The following ZNF487 variants were observed in gnomAD, a reference collection of about 807,000 sequenced individuals.
ZNF487 encodes the protein KRAB domain only 1.
A neutral mutation model predicts 3.0 loss-of-function variants in ZNF487; 4 were observed. The observed-to-expected ratio is 1.35, with a 90% CI of 0.66 to 3.08. The LOEUF is 3.08. Ranked by LOEUF, ZNF487 falls within the 30% of genes most tolerant of loss-of-function variation. The pLI is 0.01. For synonymous variants in ZNF487, 55 were observed against 34.6 expected, an observed-to-expected ratio of 1.59 and a Z score of -2.06; for missense variants, 146 against 98.7, an observed-to-expected ratio of 1.48 and a Z score of -2.03.
the ZNF487 span, among the ~76,000 whole-genome samples, chr10:43,501,560 C>T: frequency 2.0e-5 from 3 of 152,006 alleles, no homozygotes; most frequent in Admixed American, 6.6e-5. Context: ...GTCAACATGG[C>T]GAAACCCCAT....
chr10:43,454,937 C>A (rs943505275), intron 1 of ZNF487, among the ~76,000 whole-genome samples: 1,194 of 84,936 alleles, frequency 0.014, no homozygotes, highest in South Asian at 0.019. Flanking sequence ...GACCTTGTCT[C>A]AAAAAAAAAA....
chr10:43,466,049 G>A (rs540867527), intron 1 of ZNF487, among the ~76,000 whole-genome samples: 4 of 152,192 alleles, frequency 2.6e-5, no homozygotes, highest in African/African-American at 9.6e-5. Flanking sequence ...CCAGTCAGGC[G>A]TGGCGGTGCG....
At chr10:43,462,467 T>TC (rs1200641752) in intron 1 of ZNF487, among the ~76,000 whole-genome samples, 1 of 150,958 alleles carries the variant, frequency 6.6e-6, no homozygotes, top group Non-Finnish European at 1.5e-5. Context: ...ATTTTTTTTT[T>TC]TTTTTTTGAG....
intron 1 of ZNF487, among the ~76,000 whole-genome samples, chr10:43,461,894 G>A (rs781009456): frequency 3.2e-4 from 49 of 152,228 alleles, no homozygotes; most frequent in Middle Eastern, 6.8e-3. Flanking sequence ...CCCCAGGTGG[G>A]TGGCAGGTGT....
chr10:43,502,806 G>A, the ZNF487 span, among the ~76,000 whole-genome samples: 10 of 152,232 alleles, frequency 6.6e-5, no homozygotes, highest in Middle Eastern at 3.4e-3. Flanking sequence ...CAAGCCGGGT[G>A]AATCACTTGA....
chr10:43,452,780 C>A (rs1459680603), intron 1 of ZNF487: 1 of 151,892 alleles, frequency 6.6e-6, no homozygotes, highest in Non-Finnish European at 1.5e-5. Flanking sequence ...TTTTGAAAAA[C>A]CAGGTTTTGG....
chr10:43,447,924 A>G (rs1048845205), intron 1 of ZNF487, among the ~76,000 whole-genome samples: 1 of 146,418 alleles, frequency 6.8e-6, no homozygotes, highest in Non-Finnish European at 1.5e-5. Flanking sequence ...GACTCATCTC[A>G]TTTGTTTCCT....
chr10:43,523,600 A>T, the ZNF487 span: 1 of 152,358 alleles, frequency 6.6e-6, no homozygotes, highest in African/African-American at 2.4e-5. Flanking sequence ...TGTTAGAATG[A>T]GGACTTATTT....
At chr10:43,468,066 C>G (rs1459296584) in intron 1 of ZNF487, among the ~76,000 whole-genome samples, 1 of 152,166 alleles carries the variant, frequency 6.6e-6, no homozygotes, top group Non-Finnish European at 1.5e-5. Context: ...GAGGAAGTCA[C>G]TGCAGATGTG....
Position 43,481,786 on chromosome 10 carries a change from A to C in ZNF487, c.488A>C (p.Gln163Pro). ...EYDGNGKAVS[Q>P]NEDLFRHQYI... is the part of the protein sequence containing the mutation. ...GATGGAAATGGGAAAGCCGTCTCTC[A>C]GAATGAGGACTTATTTAGGCATCAG... Residue 163 changes from glutamine (Q) to proline (P), a missense_variant, in exon 4 of 4, where the codon CAG becomes CCG. Physicochemically the swap from Gln to Pro is moderately conservative, Grantham distance 76. Transcript: ENST00000437590. 1.4e-6 allele frequency: 1 copy of C among 710,652 alleles called. No homozygotes were observed. Among genetic ancestry groups the C allele is most frequent in the Non-Finnish European group, 2.6e-6 (1 of 385,044 alleles). 44.0% of individuals were successfully genotyped at this position (710,652 alleles called of 1,614,324 possible).
At chr10:43,480,438 T>G (rs1021669096) in intron 3 of ZNF487, among the ~76,000 whole-genome samples, 27 of 151,704 alleles carry the variant, frequency 1.8e-4, no homozygotes, top group Middle Eastern at 3.4e-3. Context: ...TTTTTTGAAA[T>G]GGAGTCTTAC....
At chr10:43,461,880 T>C (rs1475498142) in intron 1 of ZNF487, among the ~76,000 whole-genome samples, 8 of 152,218 alleles carry the variant, frequency 5.3e-5, no homozygotes, top group Admixed American at 5.2e-4. Flanking sequence ...TTGTCATTTG[T>C]CATCCCCAGG....
intron 1 of ZNF487, among the ~76,000 whole-genome samples, chr10:43,455,617 T>TA (rs1430318146): frequency 6.6e-6 from 1 of 152,122 alleles, no homozygotes; most frequent in Admixed American, 6.5e-5. Context: ...ACGGCCCCTC[T>TA]AGGTCCGTGG....
At chr10:43,489,916 A>G in the ZNF487 span, among the ~76,000 whole-genome samples, 162 of 152,348 alleles carry the variant, frequency 1.1e-3, no homozygotes, top group South Asian at 2.7e-3. Flanking sequence ...AAACAGTCAC[A>G]TCAGTATTCA....
chr10:43,491,092 G>A, the ZNF487 span, among the ~76,000 whole-genome samples: 1 of 149,142 alleles, frequency 6.7e-6, no homozygotes, highest in East Asian at 2.0e-4. Flanking sequence ...TCAGCCTCCT[G>A]AGTAGCTGGG....
downstream of ZNF487, among the ~76,000 whole-genome samples, chr10:43,483,969 A>G (rs1003102552): frequency 6.6e-6 from 1 of 152,114 alleles, no homozygotes; most frequent in African/African-American, 2.4e-5. Flanking sequence ...CCTGGCTTCA[A>G]GTGATTCTTC....
the ZNF487 span, among the ~76,000 whole-genome samples, chr10:43,495,313 G>A: frequency 1.4e-4 from 21 of 150,876 alleles, no homozygotes; most frequent in African/African-American, 5.1e-4. Context: ...GCATGATCTC[G>A]GCTCACTGCA....
chr10:43,505,123 G>A, the ZNF487 span, among the ~76,000 whole-genome samples: 31 of 151,744 alleles, frequency 2.0e-4, no homozygotes, highest in Middle Eastern at 3.5e-3. Context: ...GGGCTCAAGC[G>A]TTCCTCCTGC....
chr10:43,509,394 A>G, the ZNF487 span, among the ~76,000 whole-genome samples: 1 of 151,052 alleles, frequency 6.6e-6, no homozygotes, highest in Non-Finnish European at 1.5e-5. Flanking sequence ...AACAACTGGT[A>G]AATATTTTGC....
Sources: gnomAD v4.1 joint callset for allele counts (sites outside exome capture counted in the v4.1 genomes callset) on GRCh38, gnomAD v4.1.1 for gene constraint, MANE v1.5 for transcripts, NCBI Gene and HGNC (gene_info 2026-07-23, HGNC 2026-07-21) for gene names.